Variants in EPHA6 observed in about 807,000 individuals in gnomAD.
EPHA6 encodes the protein EPH receptor A6.
Under a neutral mutation model 112.0 loss-of-function variants are expected in EPHA6, and 50 were observed. The observed-to-expected ratio is 0.45, with a 90% CI of 0.36 to 0.56. The LOEUF (loss-of-function observed/expected upper bound fraction) is 0.56. EPHA6 is among the 20% of genes least tolerant of loss of function. The pLI, the probability that EPHA6 is intolerant of heterozygous loss-of-function variation, is 0.00. For synonymous variants in EPHA6, 529 were observed against 490.7 expected, an observed-to-expected ratio of 1.08 and a Z score of -1.03; for missense variants, 1,280 against 1,417.4, an observed-to-expected ratio of 0.90 and a Z score of 1.56.
chr3:97,075,739 A>G (rs1436760730), intron 3 of EPHA6, among the ~76,000 whole-genome samples: 1 of 151,542 alleles, frequency 6.6e-6, no homozygotes, highest in East Asian at 1.9e-4. Flanking sequence ...AGGTTGTGGC[A>G]ATCTTGCATA....
At chr3:97,553,334 A>G (rs916004689) in intron 11 of EPHA6, among the ~76,000 whole-genome samples, 4 of 151,980 alleles carry the variant, frequency 2.6e-5, no homozygotes, top group Admixed American at 6.6e-5. Context: ...TCATGTCCTC[A>G]CAAGGCTGTC....
At chr3:97,280,149 G>T (rs567181464) in intron 5 of EPHA6, among the ~76,000 whole-genome samples, 2 of 152,324 alleles carry the variant, frequency 1.3e-5, no homozygotes, top group East Asian at 3.9e-4. Flanking sequence ...CTCCCAAAGT[G>T]CTGGGAATTA....
chr3:97,266,839 G>C (rs1404330530), intron 5 of EPHA6, among the ~76,000 whole-genome samples: 3 of 151,890 alleles, frequency 2.0e-5, no homozygotes, highest in Admixed American at 2.0e-4. Flanking sequence ...TTTTTTTTAA[G>C]GTGGGCCTGT....
chr3:97,177,618 A>G (rs1370969097), intron 3 of EPHA6, among the ~76,000 whole-genome samples: 2 of 151,758 alleles, frequency 1.3e-5, no homozygotes, highest in African/African-American at 4.8e-5. Flanking sequence ...ACCCCTTTAT[A>G]TATCTGTGTG....
At chr3:97,252,415 A>G (rs1264540135) in intron 5 of EPHA6, among the ~76,000 whole-genome samples, 1 of 152,096 alleles carries the variant, frequency 6.6e-6, no homozygotes, top group Non-Finnish European at 1.5e-5. Flanking sequence ...ACACTCACAC[A>G]CATACACACA....
intron 4 of EPHA6, among the ~76,000 whole-genome samples, chr3:97,228,484 A>T (rs909738533): frequency 1.3e-5 from 2 of 151,298 alleles, no homozygotes; most frequent in Non-Finnish European, 2.9e-5. Context: ...TGCAAATACC[A>T]TTATTTTGTT....
intron 7 of EPHA6, 102 bp from the exon 8 acceptor site, chr3:97,475,250 T>G (rs2091335659): frequency 2.4e-6 from 2 of 820,108 alleles, no homozygotes; most frequent in Non-Finnish European, 3.8e-6. Context: ...TATACTGAGC[T>G]TGGCATCCGT....
chr3:97,283,334 G>C (rs2080351861), intron 5 of EPHA6, among the ~76,000 whole-genome samples: 1 of 151,884 alleles, frequency 6.6e-6, no homozygotes, highest in Admixed American at 6.6e-5. Flanking sequence ...AGATAAATGG[G>C]AATAAATATC....
chr3:96,954,658 A>T (rs2041682877), intron 2 of EPHA6, among the ~76,000 whole-genome samples: 1 of 151,744 alleles, frequency 6.6e-6, no homozygotes, highest in Admixed American at 6.6e-5. Context: ...TCTTTAGAGC[A>T]CTTTTCACCA....
chr3:97,154,282 T>A (rs1576583857), intron 3 of EPHA6, among the ~76,000 whole-genome samples: 1 of 152,288 alleles, frequency 6.6e-6, no homozygotes, highest in African/African-American at 2.4e-5. Flanking sequence ...AATTAATGAA[T>A]TTTTATTTTC....
At chr3:97,020,214 T>TGAA (rs921774918) in intron 3 of EPHA6, among the ~76,000 whole-genome samples, 3 of 152,206 alleles carry the variant, frequency 2.0e-5, no homozygotes, top group African/African-American at 7.2e-5. Flanking sequence ...ATCCACAGAC[T>TGAA]GAAGCAGTTT....
At position 97,757,555 on chromosome 3, in the gene EPHA6, T is replaced by C. The variant is rs934774640; in HGVS notation, c.*8854T>C. Among the ~76,000 whole-genome samples, 2 of 151,514 alleles carry C rather than the reference T, an allele frequency of 1.3e-5. No homozygotes were observed. The highest frequency in any genetic ancestry group is 4.8e-5 in the African/African-American group (2 of 41,360). ...TTAAACATATTAATAAATTATCCCA[T>C]GGATAATAAAGAGATTTTTTTCCAG... is the stretch of plus-strand genomic sequence containing the variant. On this transcript the variant is annotated 3_prime_UTR_variant, in exon 18 of 18. Coordinates refer to ENST00000389672, the MANE Select transcript of EPHA6 (RefSeq NM_001080448.3).
intron 2 of EPHA6, among the ~76,000 whole-genome samples, chr3:96,940,546 T>A (rs915232333): frequency 2.0e-5 from 3 of 152,206 alleles, no homozygotes; most frequent in Non-Finnish European, 2.9e-5. Flanking sequence ...TCTTGACTCT[T>A]TACCCAATTT....
At chr3:97,646,090 T>A (rs2094059353) in intron 14 of EPHA6, 2 of 1,499,520 alleles carry the variant, frequency 1.3e-6, no homozygotes, top group Non-Finnish European at 1.8e-6. Context: ...GAATAGGCAT[T>A]TTCCATTAAA....
At position 97,760,777 on chromosome 3, in the gene EPHA6, T is replaced by C. The variant is rs1218351412; in HGVS notation, c.*12076T>C. 1.1e-5 allele frequency: 2 copies of C among 183,956 alleles called. No homozygotes were observed. The highest frequency in any genetic ancestry group is 4.7e-5 in the African/African-American group (2 of 42,548). 11.4% of individuals were successfully genotyped at this position (183,956 alleles called of 1,614,324 possible). On this transcript the variant is annotated 3_prime_UTR_variant, in exon 18 of 18. Coordinates refer to ENST00000389672, the MANE Select transcript of EPHA6 (RefSeq NM_001080448.3). ...TATTTAATCCCTCATAGAGCTATAT[T>C]TGACTAATAAAAAACGACAGCTAAA... is the stretch of plus-strand genomic sequence containing the variant.
At chr3:96,932,109 G>C (rs914634068) in intron 2 of EPHA6, among the ~76,000 whole-genome samples, 1 of 152,024 alleles carries the variant, frequency 6.6e-6, no homozygotes, top group African/African-American at 2.4e-5. Context: ...TTGGGGGTGG[G>C]GGTTCCTTGG....
At chr3:97,041,937 A>T (rs568735377) in intron 3 of EPHA6, among the ~76,000 whole-genome samples, 1 of 152,074 alleles carries the variant, frequency 6.6e-6, no homozygotes, top group Non-Finnish European at 1.5e-5. Flanking sequence ...ACAATTCAAC[A>T]TAAGATTTGG....
intron 3 of EPHA6, among the ~76,000 whole-genome samples, chr3:97,186,763 G>T (rs1161923699): frequency 6.6e-6 from 1 of 151,926 alleles, no homozygotes; most frequent in Non-Finnish European, 1.5e-5. Flanking sequence ...TTATTTTTGT[G>T]ACCTCATGAC....
chr3:97,172,971 A>G (rs560964426), intron 3 of EPHA6, among the ~76,000 whole-genome samples: 1 of 152,106 alleles, frequency 6.6e-6, no homozygotes, highest in African/African-American at 2.4e-5. Flanking sequence ...GGTCAGCAAC[A>G]ACAAATTTAT....
Sources: gnomAD v4.1 joint callset for allele counts (sites outside exome capture counted in the v4.1 genomes callset) on GRCh38, gnomAD v4.1.1 for gene constraint, MANE v1.5 for transcripts, NCBI Gene and HGNC (gene_info 2026-07-23, HGNC 2026-07-21) for gene names.